The following FAM13B variants were observed in gnomAD, a reference collection of about 807,000 sequenced individuals.
The protein encoded by FAM13B is family with sequence similarity 13 member B, also known as protein FAM13B.
FAM13B carries 60 observed loss-of-function variants against 117.3 expected under a neutral mutation model. The ratio of observed to expected loss-of-function variants is 0.51; its 90% confidence interval spans 0.42 to 0.63. FAM13B has a LOEUF of 0.63. Ranked by LOEUF, FAM13B falls within the 30% of genes least tolerant of loss-of-function variation. FAM13B has a pLI of 0.00. For synonymous variants in FAM13B, 332 were observed against 356.1 expected, an observed-to-expected ratio of 0.93 and a Z score of 0.76; for missense variants, 972 against 1,091.9, an observed-to-expected ratio of 0.89 and a Z score of 1.55.
intron 7 of FAM13B, among the ~76,000 whole-genome samples, chr5:138,006,023 C>T (rs190519177): frequency 2.7e-3 from 406 of 152,036 alleles, no homozygotes; most frequent in Non-Finnish European, 3.6e-3. Flanking sequence ...CTCAGCCTCC[C>T]GTGTAGCTGG....
chr5:138,007,931 G>C (rs996287805), intron 6 of FAM13B, among the ~76,000 whole-genome samples: 2 of 152,186 alleles, frequency 1.3e-5, no homozygotes, highest in Non-Finnish European at 2.9e-5. Flanking sequence ...TCTGAGCAAT[G>C]CAAGTATGCT....
chr5:137,948,924 A>C (rs1764160845), intron 18 of FAM13B, 31 bp downstream of exon 18: 3 of 1,560,808 alleles, frequency 1.9e-6, no homozygotes, highest in South Asian at 1.1e-5. Flanking sequence ...TCTAAAGGCT[A>C]ATCTGGGCAA....
rs1212182645 is a variant in FAM13B, at chr5:137,938,267, C to G, written c.*1958G>C. 6.6e-6 allele frequency: 1 copy of G among 152,384 alleles called. No individual in the cohort carries two copies. The highest frequency in any genetic ancestry group is 6.6e-5 in the Admixed American group (1 of 15,254). 9.4% of individuals were successfully genotyped at this position (152,384 alleles called of 1,614,324 possible). On this transcript the variant is annotated 3_prime_UTR_variant, in exon 24 of 24. Coordinates refer to ENST00000689681, the MANE Select transcript of FAM13B (RefSeq NM_001385994.1). ...TAATTCTAAAATGAAACCAGTCAGA[C>G]CACTGACTTATAAAAATATGGTACT...
At position 137,954,357 on chromosome 5, in the gene FAM13B, C is replaced by A; in HGVS notation, c.1527G>T (p.Lys509Asn). ...CAGACTCAGAGTCCTCCTGCCAAGA[C>A]TTAAAAGCAGGAAATGGCTCTATAA... is the stretch of plus-strand genomic sequence containing the variant. ...RDGEEPFPAF[K>N]SWQEDSESGE... Residue 509 changes from lysine to asparagine, a missense_variant, in exon 15 of 24, where the codon AAG becomes AAT. Transcript: ENST00000689681. 6.2e-7 allele frequency: 1 copy of A among 1,613,430 alleles called. No individual in the cohort carries two copies. Among genetic ancestry groups the A allele is most frequent in the Non-Finnish European group, 8.5e-7 (1 of 1,179,668 alleles).
Position 137,990,565 on chromosome 5 carries a change from A to C in FAM13B, c.849-2250T>G, listed in dbSNP as rs138077062. Among the ~76,000 whole-genome samples the C allele has an allele frequency of 5.6e-3, 858 of 152,314 alleles. 10 individuals carry two copies. Among genetic ancestry groups the C allele is most frequent in the Non-Finnish European group, 5.6e-3 (383 of 68,038 alleles). ...TCACCCTTTTTTGTCAGATTAGATT[A>C]TCAATAAAATGTTAGTAGGTAAATG... On this transcript the variant is annotated intron_variant, in intron 7 of 23. Coordinates refer to ENST00000689681, the MANE Select transcript of FAM13B (RefSeq NM_001385994.1).
At chr5:137,946,342 C>CAAAAAAAAAAAAAAAAAAACA in intron 18 of FAM13B, 31 bp from the exon 19 acceptor site, 4 of 919,170 alleles carry the variant, frequency 4.4e-6, no homozygotes, top group Admixed American at 3.5e-5. Context: ...TAACAAAATA[C>CAAAAAAAAAAAAAAAAAAACA]AAAAAAAAAA....
intron 7 of FAM13B, among the ~76,000 whole-genome samples, chr5:138,003,303 C>T (rs1781735894): frequency 6.6e-6 from 1 of 152,044 alleles, no homozygotes; most frequent in South Asian, 2.1e-4. Flanking sequence ...AAATTATTAA[C>T]ATTTTCATAA....
chr5:137,957,724 C>A (rs563195473), intron 13 of FAM13B, among the ~76,000 whole-genome samples: 3 of 152,058 alleles, frequency 2.0e-5, no homozygotes, highest in East Asian at 1.9e-4. Flanking sequence ...AGTTGCGGAC[C>A]CCTATTTCTG....
intron 16 of FAM13B, 33 bp downstream of exon 16, chr5:137,953,303 T>C (rs1371846071): frequency 6.2e-7 from 1 of 1,610,186 alleles, no homozygotes. Context: ...TAATATTAGA[T>C]TAAGCTCACT....
At chr5:137,983,133 G>A (rs1313441868) in intron 10 of FAM13B, among the ~76,000 whole-genome samples, 1 of 128,542 alleles carries the variant, frequency 7.8e-6, no homozygotes, top group Non-Finnish European at 1.6e-5. Flanking sequence ...AGAAGAGGAA[G>A]AGCAATCAGC....
At chr5:137,995,792 C>T (rs545761307) in intron 7 of FAM13B, among the ~76,000 whole-genome samples, 3 of 152,172 alleles carry the variant, frequency 2.0e-5, no homozygotes, top group South Asian at 2.1e-4. Context: ...TTACAGGAGA[C>T]GGAAAAGAGG....
intron 1 of FAM13B, among the ~76,000 whole-genome samples, chr5:138,042,385 A>G (rs1466684437): frequency 6.6e-6 from 1 of 152,200 alleles, no homozygotes; most frequent in Non-Finnish European, 1.5e-5. Flanking sequence ...AGGGGTCATG[A>G]GAAGATATTC....
intron 18 of FAM13B, among the ~76,000 whole-genome samples, chr5:137,947,189 C>T (rs1561732337): frequency 2.0e-5 from 3 of 152,228 alleles, no homozygotes; most frequent in Non-Finnish European, 4.4e-5. Context: ...ACCAAATAAT[C>T]TCTCTACTTA....
Position 138,043,528 on chromosome 5 carries a change from C to T in FAM13B, c.-203+8350G>A, listed in dbSNP as rs577478776. On this transcript the variant is annotated intron_variant, in intron 1 of 3. Coordinates refer to the FAM13B transcript ENST00000502471. ...GATCTCGGCTCACTGCAACCTCCAC[C>T]TCTCAGGTTCAAGCAATTCCCCTGC... Among the ~76,000 whole-genome samples the T allele has an allele frequency of 2.4e-4, 36 of 151,508 alleles. 1 individual carries two copies. The highest frequency in any genetic ancestry group is 2.1e-3 in the Admixed American group (32 of 15,210).
chr5:137,980,237 AC>A (rs1775305594), intron 10 of FAM13B, among the ~76,000 whole-genome samples: 1 of 151,908 alleles, frequency 6.6e-6, no homozygotes, highest in African/African-American at 2.4e-5. Context: ...GTCCAAGTAA[AC>A]AGGTATTATT....
chr5:138,007,233 C>T, intron 6 of FAM13B, 86 bp from the exon 7 acceptor site: 4 of 1,032,248 alleles, frequency 3.9e-6, no homozygotes, highest in Middle Eastern at 2.4e-4. Flanking sequence ...AAATTTTAAA[C>T]ACAAACAACT....
intron 18 of FAM13B, 64 bp downstream of exon 18, chr5:137,948,891 A>G: frequency 1.6e-6 from 2 of 1,240,124 alleles, no homozygotes; most frequent in East Asian, 2.3e-5. Flanking sequence ...ACCCTGCTAT[A>G]GTAATTATTT....
chr5:137,987,972 A>T (rs1777646654), intron 8 of FAM13B, among the ~76,000 whole-genome samples: 1 of 152,136 alleles, frequency 6.6e-6, no homozygotes, highest in Admixed American at 6.5e-5. Context: ...AATGAAAGAA[A>T]CCATGAGTAC....
intron 18 of FAM13B, among the ~76,000 whole-genome samples, chr5:137,947,609 T>C (rs1763796113): frequency 6.6e-6 from 1 of 151,478 alleles, no homozygotes; most frequent in East Asian, 1.9e-4. Context: ...TGAGACGAGG[T>C]CTCGCTCTGT....
Sources: gnomAD v4.1 joint callset for allele counts (sites outside exome capture counted in the v4.1 genomes callset) on GRCh38, gnomAD v4.1.1 for gene constraint, MANE v1.5 for transcripts, NCBI Gene and HGNC (gene_info 2026-07-23, HGNC 2026-07-21) for gene names.